The following KIF13A variants were observed in gnomAD, a reference collection of about 807,000 sequenced individuals.
KIF13A encodes kinesin family member 13A, also known as kinesin-like protein KIF13A.
Under a neutral mutation model 212.2 loss-of-function variants are expected in KIF13A, and 79 were observed. The ratio of observed to expected loss-of-function variants is 0.37; its 90% CI spans 0.31 to 0.45. The LOEUF is 0.45. Among genes scored for constraint, KIF13A ranks in the 20% least tolerant of loss-of-function variants. The probability of loss-of-function intolerance (pLI) is 1.00; values close to 1 mark genes in which losing one functional copy is unlikely to be tolerated. For synonymous variants in KIF13A, 789 were observed against 808.6 expected (o/e 0.98, Z 0.41); for missense variants, 1,901 against 2,209.0 (o/e 0.86, Z 2.79).
chr6:17,927,902 A>G (rs894571650), intron 2 of KIF13A, among the ~76,000 whole-genome samples: 14 of 151,970 alleles, frequency 9.2e-5, no homozygotes, highest in Non-Finnish European at 1.2e-4. Flanking sequence ...CACCCCCTAC[A>G]CTCCAGAGGC....
Position 17,883,421 on chromosome 6 carries a change from A to G in KIF13A, c.160-9984T>C, listed in dbSNP as rs1260441488. Among the ~76,000 whole-genome samples the G allele has an allele frequency of 6.6e-6, 1 of 152,194 alleles. No individual in the cohort carries two copies. Among genetic ancestry groups the G allele is most frequent in the African/African-American group, 2.4e-5 (1 of 41,448 alleles). ...CTAACTACCTCTTAATCAATCATGT[A>G]AATCTGTTTTCACATGTGACATCTG... On this transcript the variant is annotated intron_variant, in intron 3 of 38. Coordinates refer to ENST00000259711, the MANE Select transcript of KIF13A (RefSeq NM_022113.6). The surrounding 1 kb of genome is among the most constrained non-coding windows in gnomAD (Gnocchi z 4.8).
rs574562726 is a variant in KIF13A at position 17,940,304 on chromosome 6, G to A, written c.147-42124C>T. Among the ~76,000 whole-genome samples, 10 of 152,212 alleles carry A rather than the reference G, an allele frequency of 6.6e-5. No homozygotes were observed. In the South Asian group the frequency reaches 1.9e-3, roughly 28 times the overall value. On this transcript the variant is annotated intron_variant, in intron 2 of 38. Transcript: ENST00000259711. ...GAACACTATTAAGCGCAGATTCTTC[G>A]ATTCTGTAAATCCGTGGTGGGTCCT...
rs1476397874 is a variant in KIF13A at position 17,934,913 on chromosome 6, G to T, written c.147-36733C>A. Among the ~76,000 whole-genome samples the T allele has an allele frequency of 6.6e-6, 1 of 152,088 alleles. No individual in the cohort carries two copies. The highest frequency in any genetic ancestry group is 1.5e-5 in the Non-Finnish European group (1 of 68,034). On this transcript the variant is annotated intron_variant, in intron 2 of 38. Transcript: ENST00000259711. The surrounding 1 kb of genome is among the most constrained non-coding windows in gnomAD (Gnocchi z 5.4). ...AACCAAACATATCAGTTTCACAAGG[G>T]TCCCTTTACCTTGCAGTGAGGCAGA...
In KIF13A at chr6:17,764,319, C is replaced by T; in HGVS notation, c.5209G>A (p.Glu1737Lys). ...TTTCCCTCTGACACTCCCATAAATTCTGTGAAAGAATGGTCTTCAAGGATG... is the reference window on the plus strand; with the variant it reads ...TTTCCCTCTGACACTCCCATAAATTTTGTGAAAGAATGGTCTTCAAGGATG... ...TNILEDHSFT[E>K]FMGVSEGKDF... The change falls in exon 39 of 39, where the codon GAA becomes AAA. Residue 1737 changes from glutamate to lysine, a missense_variant. Physicochemically the swap from Glu to Lys is moderately conservative, Grantham distance 56. Around this residue, in one of 5 missense-constraint regions of KIF13A, gnomAD observed 687 missense variants for 759.1 expected, o/e 0.90. Coordinates refer to ENST00000259711, the MANE Select transcript of KIF13A (RefSeq NM_022113.6). This position sits in a 1 kb window ranked among gnomAD's most constrained non-coding sequence, Gnocchi z 5.1. 1.2e-6 allele frequency: 2 copies of T among 1,613,996 alleles called. No homozygotes were observed. Among genetic ancestry groups the T allele is most frequent in the Non-Finnish European group, 1.7e-6 (2 of 1,179,902 alleles).
chr6:17,823,587 C>T (rs1228933778), intron 16 of KIF13A, among the ~76,000 whole-genome samples: 1 of 152,092 alleles, frequency 6.6e-6, no homozygotes, highest in East Asian at 1.9e-4. Flanking sequence ...CGTGCTCCGG[C>T]CTCCCAAGTA....
intron 11 of KIF13A, among the ~76,000 whole-genome samples, chr6:17,835,195 C>CAAAAAAAAA (rs61697144): frequency 3.5e-4 from 16 of 45,956 alleles, no homozygotes; most frequent in South Asian, 2.1e-3. Context: ...CCGCCCCCGC[C>CAAAAAAAAA]AAAAAAAAAA....
chr6:17,785,663 T>G lies in KIF13A; in HGVS notation c.3362-22A>C. On this transcript the variant is annotated intron_variant, in intron 27 of 38. Transcript: ENST00000259711. The surrounding 1 kb of genome is among the most constrained non-coding windows in gnomAD (Gnocchi z 5.8). ...TTCTCTGCAGAAAAAAATGAGGAGA[T>G]CAATGCCAACAAGAGAGAAAGTATG... 1 of 1,592,900 alleles carries G rather than the reference T, an allele frequency of 6.3e-7. No homozygotes were observed. The highest frequency in any genetic ancestry group is 8.5e-7 in the Non-Finnish European group (1 of 1,169,828).
chr6:17,833,387 T>C (rs1377809038), intron 12 of KIF13A, among the ~76,000 whole-genome samples: 5 of 148,446 alleles, frequency 3.4e-5, no homozygotes, highest in African/African-American at 5.0e-5. Flanking sequence ...CCCAGCTACT[T>C]GGGGGGACTG....
chr6:17,865,087 A>G (rs1374606062), intron 4 of KIF13A, among the ~76,000 whole-genome samples: 1 of 152,244 alleles, frequency 6.6e-6, no homozygotes, highest in African/African-American at 2.4e-5. Flanking sequence ...TATCTTGTTT[A>G]AAATCTGCAT....
At chr6:17,818,256 C>T (rs1032378283) in intron 16 of KIF13A, among the ~76,000 whole-genome samples, 12 of 152,146 alleles carry the variant, frequency 7.9e-5, no homozygotes, top group African/African-American at 2.7e-4. Context: ...CTATTCAGTG[C>T]CATTTATGCT....
intron 2 of KIF13A, among the ~76,000 whole-genome samples, chr6:17,943,321 C>T (rs761225207): frequency 1.3e-5 from 2 of 151,676 alleles, no homozygotes; most frequent in Non-Finnish European, 2.9e-5. Flanking sequence ...GTGTTTAATT[C>T]GATGGCAGTA....
rs1418446366 is a variant in KIF13A at position 17,912,771 on chromosome 6, A to G, written c.147-14591T>C. Among the ~76,000 whole-genome samples the G allele has an allele frequency of 6.6e-6, 1 of 152,184 alleles. No homozygotes were observed. The highest frequency in any genetic ancestry group is 1.5e-5 in the Non-Finnish European group (1 of 68,042). ...AGTAATGATTTGGAAGCACTGAGAA[A>G]AGGTTACTTGTTTCTCATGGTATCC... On this transcript the variant is annotated intron_variant, in intron 2 of 38. Coordinates refer to ENST00000259711, the MANE Select transcript of KIF13A (RefSeq NM_022113.6). The surrounding 1 kb of genome is among the most constrained non-coding windows in gnomAD (Gnocchi z 4.2).
At chr6:17,973,154 A>G (rs1779968891) in intron 2 of KIF13A, among the ~76,000 whole-genome samples, 1 of 152,248 alleles carries the variant, frequency 6.6e-6, no homozygotes, top group Admixed American at 6.5e-5. Context: ...TAAACCAACA[A>G]TAAATGTCAT....
At position 17,987,040 on chromosome 6, in the gene KIF13A, G is replaced by A; in HGVS notation, c.146+14C>T. 2 of 1,608,312 alleles carry A rather than the reference G, an allele frequency of 1.2e-6. No individual in the cohort carries two copies. The highest frequency in any genetic ancestry group is 1.7e-6 in the Non-Finnish European group (2 of 1,174,844). ...GCTGGATCCTCCCAGCCGCCCTCTC[G>A]GAACCCGCTTTACCTTTCTCCCTGT... On this transcript the variant is annotated intron_variant, in intron 2 of 38. Transcript: ENST00000259711. This position sits in a 1 kb window ranked among gnomAD's most constrained non-coding sequence, Gnocchi z 7.7.
At chr6:17,790,683 T>C (rs940304434) in intron 25 of KIF13A, among the ~76,000 whole-genome samples, 1 of 152,158 alleles carries the variant, frequency 6.6e-6, no homozygotes, top group African/African-American at 2.4e-5. Flanking sequence ...AGGTCAGAAC[T>C]GTAAGCCATG....
At chr6:17,881,509 A>G (rs745517877) in intron 3 of KIF13A, 5 of 434,364 alleles carry the variant, frequency 1.2e-5, no homozygotes, top group Non-Finnish European at 2.3e-5. Flanking sequence ...ATCCTGGCCA[A>G]CATATGGTGA....
intron 6 of KIF13A, among the ~76,000 whole-genome samples, chr6:17,852,558 C>T (rs984736045): frequency 4.6e-5 from 7 of 152,152 alleles, no homozygotes; most frequent in Non-Finnish European, 8.8e-5. Flanking sequence ...GCTGGGACTA[C>T]AGGCCCATGC....
Position 17,764,218 on chromosome 6 carries a change from G to A in KIF13A, c.5310C>T (p.Gly1770=), listed in dbSNP as rs751568861. 2 of 1,613,880 alleles carry A rather than the reference G, an allele frequency of 1.2e-6. No homozygotes were observed. Among genetic ancestry groups the A allele is most frequent in the African/African-American group, 2.7e-5 (2 of 74,918 alleles). ...SRRSLPNKTG[G]KTVSDGLHHP... The stretch of plus-strand genomic sequence containing the variant: ...GGTGGAGCCCATCGGAGACAGTCTT[G>A]CCGCCTGTTTTATTTGGTAGACTCC... Residue 1770 remains glycine, a synonymous_variant, in exon 39 of 39, where the codon GGC becomes GGT. Coordinates refer to ENST00000259711, the MANE Select transcript of KIF13A (RefSeq NM_022113.6). This position sits in a 1 kb window ranked among gnomAD's most constrained non-coding sequence, Gnocchi z 5.1.
In KIF13A at chr6:17,872,170, T is replaced by C. The variant is rs1036896472; in HGVS notation, c.220+1207A>G. ...AAGGAATTCTCCTAGTCCAAGATTGTTAACTCTTGAAAAAATTATGTTATC... is the reference window on the plus strand; with the variant it reads ...AAGGAATTCTCCTAGTCCAAGATTGCTAACTCTTGAAAAAATTATGTTATC... On this transcript the variant is annotated intron_variant, in intron 4 of 38. Coordinates refer to ENST00000259711, the MANE Select transcript of KIF13A (RefSeq NM_022113.6). This position sits in a 1 kb window ranked among gnomAD's most constrained non-coding sequence, Gnocchi z 4.7. 3.3e-5 allele frequency among the ~76,000 whole-genome samples: 5 copies of C among 152,256 alleles called. No homozygotes were observed. In the East Asian group the frequency reaches 9.6e-4, roughly 29 times the overall value.
Sources: allele counts gnomAD v4.1 joint callset (sites outside exome capture counted in the v4.1 genomes callset), GRCh38; gene constraint gnomAD v4.1.1; regional missense constraint gnomAD v4.1.1; non-coding constraint Gnocchi (gnomAD v3.1); transcripts MANE v1.5; gene names NCBI Gene and HGNC (gene_info 2026-07-23, HGNC 2026-07-21).